The following SPINK13 variants were observed in gnomAD, a reference collection of about 807,000 sequenced individuals.
The protein encoded by SPINK13 is serine protease inhibitor Kazal-type 13.
SPINK13 carries 11 observed loss-of-function variants against 11.0 expected under a neutral mutation model. The observed-to-expected ratio is 1.00, with a 90% confidence interval of 0.63 to 1.65. The LOEUF (loss-of-function observed/expected upper bound fraction) is 1.65. Ranked by LOEUF, SPINK13 falls within the 40% of genes most tolerant of loss-of-function variation. The pLI, the probability that SPINK13 is intolerant of heterozygous loss-of-function variation, is 0.00. For missense variants in SPINK13, 113 were observed against 117.7 expected, an observed-to-expected ratio of 0.96 and a Z score of 0.19; for synonymous variants, 31 against 35.6, an observed-to-expected ratio of 0.87 and a Z score of 0.46.
chr5:148,282,174 T>C lies in SPINK13; in HGVS notation c.179T>C (p.Val60Ala), dbSNP rs931583095. 4 of 1,614,220 alleles carry C rather than the reference T, an allele frequency of 2.5e-6. No homozygotes were observed. Among genetic ancestry groups the C allele is most frequent in the Non-Finnish European group, 3.4e-6 (4 of 1,180,036 alleles). ...NADCPNVTAP[V>A]CASNGHTFQN... ...GACTGCCCCAATGTGACAGCACCTG[T>C]TTGTGCCTCAAATGGCCACACTTTC... is the stretch of plus-strand genomic sequence containing the variant. Residue 60 changes from valine to alanine, a missense_variant, in exon 4 of 5, where the codon GTT (valine) becomes GCT (alanine). Physicochemically the swap from Val to Ala is moderately conservative, Grantham distance 64 (BLOSUM62 0). Transcript: ENST00000398450.
chr5:148,275,495 T>C (rs1371643416), intron 3 of SPINK13, among the ~76,000 whole-genome samples: 4 of 152,164 alleles, frequency 2.6e-5, no homozygotes, highest in Admixed American at 1.3e-4. Flanking sequence ...TTTGGGTATA[T>C]ACCCAGTAAA....
intron 2 of SPINK13, among the ~76,000 whole-genome samples, chr5:148,271,718 G>A (rs1172994278): frequency 6.6e-6 from 1 of 152,076 alleles, no homozygotes; most frequent in Non-Finnish European, 1.5e-5. Flanking sequence ...TCCGCCTCCC[G>A]GATTCACGCC....
Position 148,278,890 on chromosome 5 carries a change from G to A in SPINK13, c.109-3214G>A, listed in dbSNP as rs138775941. 5.8e-3 allele frequency among the ~76,000 whole-genome samples: 888 copies of A among 152,178 alleles called. 14 individuals are homozygous for A. Among genetic ancestry groups the A allele is most frequent in the African/African-American group, 0.019 (802 of 41,512 alleles). ...TTAAAGTCTTCCACTATTATTGTGTGGGAGTGTAAGTCTCCTTGTAGGTCT... is the reference window on the plus strand; with the variant it reads ...TTAAAGTCTTCCACTATTATTGTGTAGGAGTGTAAGTCTCCTTGTAGGTCT... On this transcript the variant is annotated intron_variant, in intron 3 of 4. Coordinates refer to ENST00000398450, the MANE Select transcript of SPINK13 (RefSeq NM_001040129.3).
chr5:148,278,407 A>G (rs1260496346), intron 3 of SPINK13, among the ~76,000 whole-genome samples: 1 of 152,144 alleles, frequency 6.6e-6, no homozygotes, highest in African/African-American at 2.4e-5. Context: ...GTGGGCATTT[A>G]GTGCTATAAA....
intron 3 of SPINK13, among the ~76,000 whole-genome samples, chr5:148,279,097 T>G (rs1459416203): frequency 2.2e-5 from 3 of 139,196 alleles, no homozygotes; most frequent in African/African-American, 8.3e-5. Context: ...CCTGCTTTTT[T>G]TTTTTTTTTT....
intron 4 of SPINK13, among the ~76,000 whole-genome samples, chr5:148,283,272 C>T (rs1270878043): frequency 6.6e-6 from 1 of 152,142 alleles, no homozygotes; most frequent in Non-Finnish European, 1.5e-5. Context: ...CCAGCTCCTC[C>T]CCAGCCAGAG....
In SPINK13 at chr5:148,269,982, T is replaced by A; in HGVS notation, c.-33-58T>A. ...TATCACCTTAGGGTATTGTGTTCTC[T>A]CACATTGGAAAAGCTAGCTGTGGGG... On this transcript the variant is annotated intron_variant, in intron 1 of 4. Coordinates refer to ENST00000398450, the MANE Select transcript of SPINK13 (RefSeq NM_001040129.3). 8 of 1,268,010 alleles carry A rather than the reference T, an allele frequency of 6.3e-6. No homozygotes were observed. The South Asian group carries it at 1.0e-4, about 16-fold the overall frequency. 78.5% of individuals were successfully genotyped at this position (1,268,010 alleles called of 1,614,324 possible).
At chr5:148,269,768 C>G (rs1181241538) in intron 1 of SPINK13, among the ~76,000 whole-genome samples, 2 of 152,084 alleles carry the variant, frequency 1.3e-5, no homozygotes, top group African/African-American at 4.8e-5. Flanking sequence ...TTTGAGTCAG[C>G]CCTGATGAAT....
At chr5:148,285,536 G>A (rs1756577236) in intron 4 of SPINK13, among the ~76,000 whole-genome samples, 1 of 152,098 alleles carries the variant, frequency 6.6e-6, no homozygotes, top group South Asian at 2.1e-4. Context: ...ATGTAAAGAT[G>A]GAAAATAATG....
At chr5:148,285,068 G>C (rs1044651834) in intron 4 of SPINK13, among the ~76,000 whole-genome samples, 1 of 152,192 alleles carries the variant, frequency 6.6e-6, no homozygotes, top group Non-Finnish European at 1.5e-5. Context: ...CACAAATGCA[G>C]ATTTCAAACT....
chr5:148,270,105 C>T lies in SPINK13; in HGVS notation c.33C>T (p.Phe11=). Residue 11 remains phenylalanine (F), a synonymous_variant, in exon 2 of 5, where the codon TTC becomes TTT. Transcript: ENST00000398450. MAAFPHKIIF[F]LVCSTLTHVA... ...CCTTTCCCCACAAGATTATATTTTT[C>T]CTGGTATGCTCTACTTTGACACATG... 1 of 1,613,992 alleles carries T rather than the reference C, an allele frequency of 6.2e-7. No homozygotes were observed. The highest frequency in any genetic ancestry group is 8.5e-7 in the Non-Finnish European group (1 of 1,179,938).
chr5:148,276,904 AT>A (rs1328123492), intron 3 of SPINK13, among the ~76,000 whole-genome samples: 2 of 152,210 alleles, frequency 1.3e-5, no homozygotes, highest in African/African-American at 4.8e-5. Flanking sequence ...CTTCCTATCC[AT>A]GAGTATGGGA....
At chr5:148,269,344 ACT>A (rs1314220575) in intron 1 of SPINK13, among the ~76,000 whole-genome samples, 1 of 151,836 alleles carries the variant, frequency 6.6e-6, no homozygotes, top group East Asian at 1.9e-4. Context: ...CTAACTCCAA[ACT>A]CTGATTTCTA....
At chr5:148,280,865 T>G (rs1188055372) in intron 3 of SPINK13, among the ~76,000 whole-genome samples, 1 of 152,328 alleles carries the variant, frequency 6.6e-6, no homozygotes, top group East Asian at 1.9e-4. Context: ...CGTTTAAGTC[T>G]GCTGAAGACG....
At chr5:148,275,658 C>CT (rs1182318008) in intron 3 of SPINK13, among the ~76,000 whole-genome samples, 2 of 150,822 alleles carry the variant, frequency 1.3e-5, no homozygotes, top group East Asian at 1.9e-4. Context: ...TGTTTCCTGA[C>CT]TTTTTTTCTT....
At chr5:148,279,419 G>GT (rs1369528531) in intron 3 of SPINK13, among the ~76,000 whole-genome samples, 1 of 152,128 alleles carries the variant, frequency 6.6e-6, no homozygotes, top group African/African-American at 2.4e-5. Context: ...GCTGATACCG[G>GT]TTTTTCCTTC....
intron 4 of SPINK13, among the ~76,000 whole-genome samples, chr5:148,283,982 T>C (rs984664840): frequency 7.9e-5 from 12 of 152,298 alleles, no homozygotes; most frequent in African/African-American, 2.9e-4. Context: ...TTCAGGCTCA[T>C]CTAGGAAATG....
Position 148,282,230 on chromosome 5 carries a change from A to G in SPINK13, c.235A>G (p.Arg79Gly). 1 of 1,614,104 alleles carries G rather than the reference A, an allele frequency of 6.2e-7. No homozygotes were observed. The highest frequency in any genetic ancestry group is 1.1e-5 in the South Asian group (1 of 91,078). Residue 79 changes from arginine (R) to glycine (G), a missense_variant and splice_region_variant, in exon 4 of 5, where the codon AGG becomes GGG. Physicochemically the swap from Arg to Gly is moderately radical, Grantham distance 125 (BLOSUM62 -2). Transcript: ENST00000398450. ...QNECFFCVEQ[R>G]EFHYRIKFEK... ...TGAGTGTTTCTTTTGTGTTGAACAG[A>G]GGTAAGTTCAGAATAAAATGCCATT...
chr5:148,277,371 G>T (rs375687688), intron 3 of SPINK13, among the ~76,000 whole-genome samples: 1 of 152,198 alleles, frequency 6.6e-6, no homozygotes, highest in African/African-American at 2.4e-5. Context: ...CAAAGGGAAT[G>T]CTTCCAGCTT....
Sources: allele counts gnomAD v4.1 joint callset (sites outside exome capture counted in the v4.1 genomes callset), GRCh38; gene constraint gnomAD v4.1.1; transcripts MANE v1.5; gene names NCBI Gene and HGNC (gene_info 2026-07-23, HGNC 2026-07-21).